TMX2: variants seen among roughly 807,000 people sequenced by gnomAD.
TMX2 encodes thioredoxin-related transmembrane protein 2.
A neutral mutation model predicts 33.4 loss-of-function variants in TMX2; 20 were observed. That is an observed-to-expected ratio of 0.60 (90% CI 0.42 to 0.87). TMX2 has a LOEUF of 0.87. Ranked by LOEUF, TMX2 falls within the 40% of genes least tolerant of loss-of-function variation. TMX2 has a pLI of 0.00. For synonymous variants in TMX2, 166 were observed against 140.7 expected, an observed-to-expected ratio of 1.18 and a Z score of -1.27; for missense variants, 340 against 370.7, an observed-to-expected ratio of 0.92 and a Z score of 0.68.
At chr11:57,718,468 G>C in intron 1 of TMX2, 1 of 1,017,724 alleles carries the variant, frequency 9.8e-7, no homozygotes, top group Non-Finnish European at 1.5e-6. Context: ...CAAACAGCTC[G>C]AAGGAGATGC....
chr11:57,739,020 T>C lies in TMX2; in HGVS notation c.595T>C (p.Tyr199His). ...TTTTGGGAAGGTGGATGTTGGACGCTATACTGATGTTAGTACGCGGTATGT... is the reference window on the plus strand; with the variant it reads ...TTTTGGGAAGGTGGATGTTGGACGCCATACTGATGTTAGTACGCGGTATGT... ...LNFGKVDVGR[Y>H]TDVSTRYKVS... Residue 199 changes from tyrosine (Y) to histidine (H), a missense_variant, in exon 6 of 8, where the codon TAT becomes CAT. This residue lies in a region of TMX2 where 209 missense variants were observed against 241.6 expected (regional missense o/e 0.87). Transcript: ENST00000278422. 6.2e-7 allele frequency: 1 copy of C among 1,614,196 alleles called. No homozygotes were observed. The highest frequency in any genetic ancestry group is 8.5e-7 in the Non-Finnish European group (1 of 1,180,050).
intron 1 of TMX2, among the ~76,000 whole-genome samples, chr11:57,730,788 T>C (rs1326239654): frequency 6.6e-6 from 1 of 151,990 alleles, no homozygotes; most frequent in African/African-American, 2.4e-5. Flanking sequence ...TGCCCTCAAA[T>C]AAAATAACTG....
At chr11:57,739,376 A>G in intron 7 of TMX2, 116 bp downstream of exon 7, 1 of 974,704 alleles carries the variant, frequency 1.0e-6, no homozygotes, top group Non-Finnish European at 1.6e-6. Context: ...GAGGGTGTGG[A>G]CTAGTTACTA....
At chr11:57,715,513 C>T (rs1378417455) in intron 1 of TMX2, among the ~76,000 whole-genome samples, 1 of 150,066 alleles carries the variant, frequency 6.7e-6, no homozygotes, top group East Asian at 1.9e-4. Context: ...ACAAATCTGT[C>T]TAATCTTGAT....
chr11:57,721,687 A>G (rs1947643093), intron 1 of TMX2, among the ~76,000 whole-genome samples: 1 of 152,204 alleles, frequency 6.6e-6, no homozygotes, highest in Non-Finnish European at 1.5e-5. Flanking sequence ...GGAAAGTCTC[A>G]GAGGTAATTT....
At chr11:57,732,039 G>A (rs1948440621) in intron 1 of TMX2, among the ~76,000 whole-genome samples, 1 of 152,156 alleles carries the variant, frequency 6.6e-6, no homozygotes, top group Non-Finnish European at 1.5e-5. Flanking sequence ...TCATACAAAT[G>A]TTCTTTTCCC....
Position 57,740,437 on chromosome 11 carries a change from G to A in TMX2, c.*192G>A. ...CTACAGGAAGGCCTGCCATGCTGTGGCCAACTGTTTCACTGGAGCAAGAAA... is the reference window on the plus strand; with the variant it reads ...CTACAGGAAGGCCTGCCATGCTGTGACCAACTGTTTCACTGGAGCAAGAAA... On this transcript the variant is annotated 3_prime_UTR_variant, in exon 8 of 8. Transcript: ENST00000278422. 5.1e-6 allele frequency: 3 copies of A among 590,780 alleles called. No homozygotes were observed. The highest frequency in any genetic ancestry group is 8.3e-6 in the Non-Finnish European group (3 of 359,418). The allele number at this position is 590,780 out of a possible 1,614,324, so 36.6% of individuals were successfully genotyped here.
At chr11:57,730,481 A>T (rs1020599710) in intron 1 of TMX2, among the ~76,000 whole-genome samples, 1 of 148,276 alleles carries the variant, frequency 6.7e-6, no homozygotes, top group Non-Finnish European at 1.5e-5. Flanking sequence ...TCATGCCTGT[A>T]ATCCCAGCAC....
intron 1 of TMX2, among the ~76,000 whole-genome samples, chr11:57,716,320 C>T (rs76270674): frequency 2.2e-5 from 3 of 138,308 alleles, no homozygotes; most frequent in Non-Finnish European, 4.9e-5. Context: ...CCCTCCCGGA[C>T]GGGGCGGCTG....
chr11:57,725,978 G>C lies in TMX2; in HGVS notation c.190-11630G>C, dbSNP rs1310612961. Among the ~76,000 whole-genome samples the C allele has an allele frequency of 2.0e-5, 3 of 152,054 alleles. No homozygotes were observed. The East Asian group carries it at 5.8e-4, about 29-fold the overall frequency. On this transcript the variant is annotated intron_variant, in intron 1 of 7. Transcript: ENST00000278422. Reference sequence around the variant, plus strand: ...AATACTCCAAATTATAAGTCGTGAAGATAAATATATCTACAGATACAGATA... The same window carrying C: ...AATACTCCAAATTATAAGTCGTGAACATAAATATATCTACAGATACAGATA...
intron 1 of TMX2, among the ~76,000 whole-genome samples, chr11:57,723,564 A>T (rs1305894112): frequency 6.6e-6 from 1 of 151,370 alleles, no homozygotes; most frequent in Non-Finnish European, 1.5e-5. Context: ...GCACTTTGGG[A>T]GACTGAGGCA....
At chr11:57,727,858 C>T (rs529094527) in intron 1 of TMX2, among the ~76,000 whole-genome samples, 2 of 152,346 alleles carry the variant, frequency 1.3e-5, no homozygotes, top group South Asian at 4.1e-4. Flanking sequence ...TTGGCCTCCT[C>T]AATCCTTTAT....
In TMX2 at chr11:57,712,722, C is replaced by T. The variant is rs139636004; in HGVS notation, c.104C>T (p.Ala35Val). ...YYLLSALLSA[A>V]FLLVRKLPPL... ...CTTCTGTCGGCCCTGCTCTCTGCTG[C>T]CTTCCTACTCGTGAGGAAACTGCCG... Residue 35 changes from alanine to valine, a missense_variant, in exon 1 of 8, where the codon GCC becomes GTC. Physicochemically the swap from Ala to Val is moderately conservative, Grantham distance 64. This residue lies in a region of TMX2 where 106 missense variants were observed against 82.7 expected (regional missense o/e 1.28). Transcript: ENST00000278422. 8 of 1,614,200 alleles carry T rather than the reference C, an allele frequency of 5.0e-6. No homozygotes were observed. Among genetic ancestry groups the T allele is most frequent in the Non-Finnish European group, 6.8e-6 (8 of 1,180,034 alleles).
chr11:57,730,426 TAAAAAAAAA>T (rs61228178), intron 1 of TMX2, among the ~76,000 whole-genome samples: 424 of 23,600 alleles, frequency 0.018, 13 homozygotes, highest in African/African-American at 0.057. Flanking sequence ...AAACTGTCTT[TAAAAAAAAA>T]AAAAAAAAAA....
intron 1 of TMX2, among the ~76,000 whole-genome samples, chr11:57,731,494 T>G (rs1374988552): frequency 6.6e-6 from 1 of 150,754 alleles, no homozygotes; most frequent in Non-Finnish European, 1.5e-5. Context: ...TTTGATGTCT[T>G]ATGCTTCCCT....
At chr11:57,725,706 C>T (rs1417822948) in intron 1 of TMX2, among the ~76,000 whole-genome samples, 2 of 151,752 alleles carry the variant, frequency 1.3e-5, no homozygotes, top group Admixed American at 6.6e-5. Context: ...CACTGCACTC[C>T]AGCCTGGGCG....
intron 1 of TMX2, among the ~76,000 whole-genome samples, chr11:57,736,924 T>A (rs1016120643): frequency 6.6e-6 from 1 of 151,886 alleles, no homozygotes; most frequent in East Asian, 1.9e-4. Flanking sequence ...TAGCTAGATA[T>A]TATATTAATG....
chr11:57,719,930 A>C (rs972932642), intron 1 of TMX2, among the ~76,000 whole-genome samples: 1 of 152,064 alleles, frequency 6.6e-6, no homozygotes, highest in African/African-American at 2.4e-5. Context: ...GCCACCTTTG[A>C]TAACCCTTAA....
intron 5 of TMX2, 48 bp from the exon 6 acceptor site, chr11:57,738,926 T>G: frequency 6.3e-7 from 1 of 1,589,350 alleles, no homozygotes; most frequent in South Asian, 1.1e-5. Context: ...TCCACTTTCC[T>G]TGATCCATTA....
Sources: gnomAD v4.1 joint callset for allele counts (sites outside exome capture counted in the v4.1 genomes callset) on GRCh38, gnomAD v4.1.1 for gene constraint, gnomAD v4.1.1 regional missense constraint, MANE v1.5 for transcripts, NCBI Gene and HGNC (gene_info 2026-07-23, HGNC 2026-07-21) for gene names.